SLC23A2: variants seen among roughly 807,000 people sequenced by gnomAD.
SLC23A2 encodes solute carrier family 23 member 2, also known as Na(+)/L-ascorbic acid transporter 2.
SLC23A2 carries 36 observed loss-of-function variants against 73.3 expected under a neutral mutation model. That is an observed-to-expected ratio of 0.49 (90% CI 0.38 to 0.65). The LOEUF is 0.65. Among genes scored for constraint, SLC23A2 ranks in the 30% least tolerant of loss-of-function variants. SLC23A2 has a pLI of 0.00. For missense variants in SLC23A2, 507 were observed against 841.6 expected (o/e 0.60, Z 4.92); for synonymous variants, 343 against 327.3 (o/e 1.05, Z -0.52).
At chr20:4,925,392 G>A (rs1932634721) in intron 3 of SLC23A2, among the ~76,000 whole-genome samples, 1 of 152,028 alleles carries the variant, frequency 6.6e-6, no homozygotes, top group South Asian at 2.1e-4. Context: ...CACAGAATTA[G>A]TGACCAGCTG....
In SLC23A2 at chr20:4,932,661, C is replaced by A; in HGVS notation, c.-99G>T. 1.4e-6 allele frequency: 1 copy of A among 717,240 alleles called. No homozygotes were observed. 44.4% of individuals were successfully genotyped at this position (717,240 alleles called of 1,614,324 possible). A position where few individuals can be genotyped will look rare whatever the true frequency, so the allele number is the denominator to read the frequency against. Reference sequence around the variant, plus strand: ...CAGGATCAGCCGGCTCTTCTAGTGCCTGGAGCCCCCGATTCTCAAGCAGAG... The same window carrying A: ...CAGGATCAGCCGGCTCTTCTAGTGCATGGAGCCCCCGATTCTCAAGCAGAG... On this transcript the variant is annotated 5_prime_UTR_variant, in exon 3 of 17. In the 5' UTR this introduces an upstream ATG that the reference lacks. Transcript: ENST00000338244.
rs918301303 is a variant in SLC23A2, at chr20:4,893,910, G to A, written c.482+5645C>T. 5.9e-5 allele frequency among the ~76,000 whole-genome samples: 9 copies of A among 152,240 alleles called. 1 individual carries two copies. In the Middle Eastern group the frequency reaches 0.01, roughly 173 times the overall value. On this transcript the variant is annotated intron_variant, in intron 6 of 16. Coordinates refer to ENST00000338244, the MANE Select transcript of SLC23A2 (RefSeq NM_005116.6). ...TAAGACTCTCCTCCCACCAGCCTGC[G>A]GGAAAGTCAGTGTGGTGACGGCGGG...
chr20:4,908,873 G>T (rs968063908), intron 4 of SLC23A2, among the ~76,000 whole-genome samples: 1 of 152,350 alleles, frequency 6.6e-6, no homozygotes, highest in Non-Finnish European at 1.5e-5. Flanking sequence ...GGCGGAGGTT[G>T]CAGTGAGCTG....
At chr20:4,919,579 G>A (rs544192832) in intron 3 of SLC23A2, among the ~76,000 whole-genome samples, 1 of 152,282 alleles carries the variant, frequency 6.6e-6, no homozygotes, top group African/African-American at 2.4e-5. Context: ...CCACACCCCA[G>A]GCAGGTGGTG....
At chr20:4,965,282 C>T (rs1226709966) in intron 2 of SLC23A2, among the ~76,000 whole-genome samples, 4 of 152,112 alleles carry the variant, frequency 2.6e-5, no homozygotes, top group Non-Finnish European at 5.9e-5. Flanking sequence ...AAAAGGTAAG[C>T]GCTCTTCATA....
At chr20:4,896,058 G>A (rs1931507116) in intron 6 of SLC23A2, among the ~76,000 whole-genome samples, 1 of 152,188 alleles carries the variant, frequency 6.6e-6, no homozygotes, top group Non-Finnish European at 1.5e-5. Context: ...CAGGAAGGGT[G>A]GAGGAGTCTG....
Position 4,960,895 on chromosome 20 carries a change from T to A in SLC23A2, c.-155+9898A>T, listed in dbSNP as rs147195365. ...TAAGTTTTCATTCTTTAGTTTTCTT[T>A]ATATTTGAAATGTCACAATTAAAAG... On this transcript the variant is annotated intron_variant, in intron 2 of 16. Transcript: ENST00000338244. 3.7e-3 allele frequency among the ~76,000 whole-genome samples: 563 copies of A among 152,334 alleles called. 7 individuals are homozygous for A. The highest frequency in any genetic ancestry group is 5.9e-3 in the Non-Finnish European group (403 of 68,032).
intron 2 of SLC23A2, among the ~76,000 whole-genome samples, chr20:4,966,762 G>C (rs1037787042): frequency 6.7e-6 from 1 of 149,584 alleles, no homozygotes; most frequent in Non-Finnish European, 1.5e-5. Context: ...CACAACCAGG[G>C]TAATCATAAG....
At chr20:4,981,783 C>A (rs932357073) in intron 1 of SLC23A2, among the ~76,000 whole-genome samples, 8 of 151,692 alleles carry the variant, frequency 5.3e-5, no homozygotes, top group Non-Finnish European at 1.0e-4. Flanking sequence ...CTCACCACAA[C>A]CTCCACCCCC....
Position 4,863,129 on chromosome 20 carries a change from G to T in SLC23A2, c.1357-222C>A, listed in dbSNP as rs913164062. Among the ~76,000 whole-genome samples the T allele has an allele frequency of 6.6e-6, 1 of 152,170 alleles. No homozygotes were observed. Among genetic ancestry groups the T allele is most frequent in the South Asian group, 2.1e-4 (1 of 4,830 alleles). On this transcript the variant is annotated intron_variant, in intron 13 of 16. Coordinates refer to ENST00000338244, the MANE Select transcript of SLC23A2 (RefSeq NM_005116.6). This position sits in a 1 kb window ranked among gnomAD's most constrained non-coding sequence, Gnocchi z 4.8. ...TGCACTCAGGCCTCAGGGCTCTACT[G>T]CCCTGGCACAGTCATGGGTTGGGAT...
intron 1 of SLC23A2, among the ~76,000 whole-genome samples, 167 bp downstream of exon 1, chr20:5,001,238 CG>C (rs1213986180): frequency 8.6e-5 from 12 of 140,082 alleles, no homozygotes; most frequent in Non-Finnish European, 1.9e-4. Flanking sequence ...CGCGGGGTCC[CG>C]GGAGATGGGT....
chr20:4,930,334 C>T (rs1035715443), intron 3 of SLC23A2, among the ~76,000 whole-genome samples: 1 of 152,162 alleles, frequency 6.6e-6, no homozygotes, highest in African/African-American at 2.4e-5. Flanking sequence ...GCCTCTTCCC[C>T]TAGAAAATCT....
intron 1 of SLC23A2, among the ~76,000 whole-genome samples, chr20:4,981,883 A>C (rs2087732189): frequency 6.6e-6 from 1 of 151,774 alleles, no homozygotes; most frequent in Admixed American, 6.6e-5. Context: ...TTGCATTTTT[A>C]GTGGAGACAG....
chr20:4,979,071 G>A (rs1472811461), intron 1 of SLC23A2, among the ~76,000 whole-genome samples: 1 of 152,144 alleles, frequency 6.6e-6, no homozygotes, highest in Non-Finnish European at 1.5e-5. Flanking sequence ...GAGGCGGGCA[G>A]ATCACAAGGT....
chr20:4,869,925 G>A lies in SLC23A2; in HGVS notation c.1231C>T (p.Pro411Ser), dbSNP rs149003302. The A allele has an allele frequency of 4.4e-6, 7 of 1,606,268 alleles. No individual in the cohort carries two copies. The highest frequency in any genetic ancestry group is 5.1e-6 in the Non-Finnish European group (6 of 1,173,064). The change falls in exon 12 of 17, where the codon CCC becomes TCC. Residue 411 changes from proline to serine, a missense_variant. Physicochemically the swap from Pro to Ser is moderately conservative, Grantham distance 74 (BLOSUM62 -1). Coordinates refer to ENST00000338244, the MANE Select transcript of SLC23A2 (RefSeq NM_005116.6). ...ACGTACCTGTTTATTGCGTGGATGGGGGGGGGTGGGGCACAGGACAGCCGT... is the reference window on the plus strand; with the variant it reads ...ACGTACCTGTTTATTGCGTGGATGGAGGGGGGTGGGGCACAGGACAGCCGT... The part of the protein sequence containing the change: ...CARLSCAPPP[P>S]IHAINRGIFV...
chr20:4,856,929 G>T lies in SLC23A2; in HGVS notation c.*43C>A. 8.0e-7 allele frequency: 1 copy of T among 1,251,702 alleles called. No individual in the cohort carries two copies. Among genetic ancestry groups the T allele is most frequent in the South Asian group, 1.2e-5 (1 of 81,664 alleles). The allele number at this position is 1,251,702 out of a possible 1,614,324, so 77.5% of individuals were successfully genotyped here. A position where few individuals can be genotyped will look rare whatever the true frequency, so the allele number is the denominator to read the frequency against. ...TCTTGTTACTCAGCAAGGAACTACAGATACATGCCTCACTGCGGCCAGGCC... is the reference window on the plus strand; with the variant it reads ...TCTTGTTACTCAGCAAGGAACTACATATACATGCCTCACTGCGGCCAGGCC... On this transcript the variant is annotated 3_prime_UTR_variant, in exon 17 of 17. Transcript: ENST00000338244. The surrounding 1 kb of genome is among the most constrained non-coding windows in gnomAD (Gnocchi z 4.6).
intron 2 of SLC23A2, among the ~76,000 whole-genome samples, chr20:4,957,145 A>G (rs1486195387): frequency 1.3e-5 from 2 of 151,950 alleles, no homozygotes; most frequent in Non-Finnish European, 2.9e-5. Flanking sequence ...ACCACCTTGG[A>G]CTATGTAAAA....
At chr20:4,948,379 A>T (rs2087149322) in intron 2 of SLC23A2, among the ~76,000 whole-genome samples, 1 of 152,144 alleles carries the variant, frequency 6.6e-6, no homozygotes, top group Non-Finnish European at 1.5e-5. Flanking sequence ...TCTGGAAGAC[A>T]TTCCATTTGC....
chr20:5,005,181 C>T (rs957948510), upstream of SLC23A2, among the ~76,000 whole-genome samples: 12 of 151,256 alleles, frequency 7.9e-5, no homozygotes, highest in Admixed American at 7.2e-4. Flanking sequence ...CAGCAGATAG[C>T]TCTGACTTCT....
Sources: gnomAD v4.1 joint callset for allele counts (sites outside exome capture counted in the v4.1 genomes callset) on GRCh38, gnomAD v4.1.1 for gene constraint, Gnocchi (gnomAD v3.1) non-coding constraint, MANE v1.5 for transcripts, NCBI Gene and HGNC (gene_info 2026-07-23, HGNC 2026-07-21) for gene names.